KCNT2: variants seen among roughly 807,000 people sequenced by gnomAD.
The protein encoded by KCNT2 is potassium channel subfamily T member 2.
In KCNT2, 67 loss-of-function variants were observed where a neutral mutation model predicts 153.8. The ratio of observed to expected loss-of-function variants is 0.44; its 90% CI spans 0.36 to 0.53. The LOEUF (loss-of-function observed/expected upper bound fraction) is 0.53, where lower values mean the gene tolerates loss of function less well. Among genes scored for constraint, KCNT2 ranks in the 20% least tolerant of loss-of-function variants. KCNT2 has a pLI of 0.00. For missense variants in KCNT2, 975 were observed against 1,354.8 expected, an observed-to-expected ratio of 0.72 and a Z score of 4.40; for synonymous variants, 500 against 458.8, an observed-to-expected ratio of 1.09 and a Z score of -1.15.
At chr1:196,517,761 G>A (rs951249750) in intron 1 of KCNT2, among the ~76,000 whole-genome samples, 2 of 152,094 alleles carry the variant, frequency 1.3e-5, no homozygotes, top group African/African-American at 4.8e-5. Context: ...CAAGAAATAT[G>A]GGATTATGTA....
intron 13 of KCNT2, among the ~76,000 whole-genome samples, chr1:196,394,730 G>T (rs1453711456): frequency 3.3e-5 from 5 of 151,528 alleles, no homozygotes; most frequent in African/African-American, 1.2e-4. Context: ...TCCTTGTAGA[G>T]AATTTGATGA....
intron 1 of KCNT2, among the ~76,000 whole-genome samples, chr1:196,586,706 T>G (rs1391076779): frequency 6.9e-6 from 1 of 145,484 alleles, no homozygotes; most frequent in Non-Finnish European, 1.5e-5. Context: ...AACATTAAAA[T>G]CAAGAGGATT....
chr1:196,532,769 T>C (rs1414850371), intron 1 of KCNT2, among the ~76,000 whole-genome samples: 1 of 152,026 alleles, frequency 6.6e-6, no homozygotes, highest in African/African-American at 2.4e-5. Context: ...TTGATAATGT[T>C]CTACTTTATT....
intron 5 of KCNT2, among the ~76,000 whole-genome samples, chr1:196,469,564 C>T (rs1677911593): frequency 6.6e-6 from 1 of 152,048 alleles, no homozygotes; most frequent in African/African-American, 2.4e-5. Flanking sequence ...ATCTCCCTAC[C>T]CTCATAATAC....
chr1:196,328,766 C>G (rs547326219), intron 18 of KCNT2, among the ~76,000 whole-genome samples: 6 of 151,944 alleles, frequency 3.9e-5, no homozygotes, highest in Admixed American at 2.6e-4. Flanking sequence ...ATCTCCTTAA[C>G]AGAATTTCTA....
intron 25 of KCNT2, chr1:196,273,347 T>C: frequency 3.1e-6 from 2 of 650,202 alleles, no homozygotes; most frequent in South Asian, 4.1e-5. Flanking sequence ...TAAGTTTAAA[T>C]GATTTATTTC....
intron 1 of KCNT2, among the ~76,000 whole-genome samples, chr1:196,512,486 T>C (rs528695233): frequency 7.9e-5 from 12 of 152,310 alleles, no homozygotes; most frequent in African/African-American, 2.4e-4. Context: ...CCATGTTAGC[T>C]GATGTCAAAT....
At chr1:196,316,132 G>A in intron 20 of KCNT2, 106 bp from the exon 21 acceptor site, 1 of 956,016 alleles carries the variant, frequency 1.0e-6, no homozygotes, top group Non-Finnish European at 1.5e-6. Flanking sequence ...GTTGCCTTTA[G>A]AGGTGGCTTT....
rs370772152 is a variant in KCNT2, at chr1:196,305,362, C to A, written c.2484-17G>T. On this transcript the variant is annotated splice_polypyrimidine_tract_variant and intron_variant, in intron 21 of 27. Transcript: ENST00000294725. ...GAAAACAACCTACATTTCAAAAGAA[C>A]ATTTGCATTACACTAACAATCCAAT... 7.7e-7 allele frequency: 1 copy of A among 1,293,536 alleles called. No individual in the cohort carries two copies. The highest frequency in any genetic ancestry group is 2.3e-5 in the East Asian group (1 of 43,314). The allele number at this position is 1,293,536 out of a possible 1,614,324, so 80.1% of individuals were successfully genotyped here. A position where few individuals can be genotyped will look rare whatever the true frequency, so the allele number is the denominator to read the frequency against.
intron 16 of KCNT2, among the ~76,000 whole-genome samples, chr1:196,336,964 A>AT (rs1165747834): frequency 6.6e-6 from 1 of 151,518 alleles, no homozygotes; most frequent in African/African-American, 2.4e-5. Context: ...TTTGTCTTTT[A>AT]TTTTTTCCTG....
At chr1:196,374,516 C>T (rs1300581676) in intron 13 of KCNT2, among the ~76,000 whole-genome samples, 1 of 151,616 alleles carries the variant, frequency 6.6e-6, no homozygotes, top group Admixed American at 6.6e-5. Context: ...TATCAAGTTT[C>T]TACTGATAAT....
In KCNT2 at chr1:196,265,718, T is replaced by C. The variant is rs941206184; in HGVS notation, c.2911-7224A>G. 2.0e-5 allele frequency among the ~76,000 whole-genome samples: 3 copies of C among 152,126 alleles called. No homozygotes were observed. In the East Asian group the frequency reaches 5.8e-4, roughly 29 times the overall value. ...CTCCTAAAAGGAGATAGCTCATGTG[T>C]CCACCCCAAAAAATGCTTCTGCTAC... On this transcript the variant is annotated intron_variant, in intron 25 of 27. Transcript: ENST00000294725.
At chr1:196,276,746 TA>T (rs1323556534) in intron 25 of KCNT2, among the ~76,000 whole-genome samples, 1 of 152,058 alleles carries the variant, frequency 6.6e-6, no homozygotes, top group East Asian at 1.9e-4. Flanking sequence ...TTTGACTGGA[TA>T]AAAAAATCTA....
intron 13 of KCNT2, among the ~76,000 whole-genome samples, chr1:196,375,681 T>C (rs1668901147): frequency 6.6e-6 from 1 of 151,734 alleles, no homozygotes; most frequent in Non-Finnish European, 1.5e-5. Context: ...ATACTTTATG[T>C]GTATAGATAG....
At chr1:196,253,300 T>C (rs528121124) in intron 26 of KCNT2, among the ~76,000 whole-genome samples, 33 of 151,468 alleles carry the variant, frequency 2.2e-4, no homozygotes, top group Admixed American at 4.0e-4. Context: ...TATGGCTTTA[T>C]GTACATTGAT....
At position 196,387,945 on chromosome 1, in the gene KCNT2, T is replaced by C. The variant is rs924388648; in HGVS notation, c.1294+10618A>G. ...CCAATTTTTCTTTTTTTTTTTTTTCTCTTATGGTTTGTGGTTTTCGTGTGT... is the reference window on the plus strand; with the variant it reads ...CCAATTTTTCTTTTTTTTTTTTTTCCCTTATGGTTTGTGGTTTTCGTGTGT... On this transcript the variant is annotated intron_variant, in intron 13 of 27. Coordinates refer to ENST00000294725, the MANE Select transcript of KCNT2 (RefSeq NM_198503.5). Among the ~76,000 whole-genome samples the C allele has an allele frequency of 2.0e-5, 3 of 150,548 alleles. No homozygotes were observed. The Admixed American group carries it at 2.0e-4, about 10-fold the overall frequency.
At chr1:196,345,832 C>T (rs548341501) in intron 14 of KCNT2, among the ~76,000 whole-genome samples, 3 of 152,124 alleles carry the variant, frequency 2.0e-5, no homozygotes, top group South Asian at 4.2e-4. Context: ...GATAAACAAA[C>T]AAATAAATAT....
intron 8 of KCNT2, among the ~76,000 whole-genome samples, chr1:196,459,786 G>A (rs983040372): frequency 2.6e-5 from 4 of 151,732 alleles, no homozygotes; most frequent in East Asian, 1.9e-4. Context: ...TTGCCTCAAC[G>A]TAGCTTACTG....
chr1:196,567,204 A>G (rs1660216862), intron 1 of KCNT2, among the ~76,000 whole-genome samples: 1 of 151,700 alleles, frequency 6.6e-6, no homozygotes, highest in South Asian at 2.1e-4. Flanking sequence ...CTCTACTTGA[A>G]CGTTAATGTT....
Sources: allele counts gnomAD v4.1 joint callset (sites outside exome capture counted in the v4.1 genomes callset), GRCh38; gene constraint gnomAD v4.1.1; transcripts MANE v1.5; gene names NCBI Gene and HGNC (gene_info 2026-07-23, HGNC 2026-07-21).